The following FOXK1 variants were observed in gnomAD, a reference collection of about 807,000 sequenced individuals.
FOXK1 encodes forkhead box protein K1.
A neutral mutation model predicts 51.9 loss-of-function variants in FOXK1; 19 were observed. That is an observed-to-expected ratio of 0.37 (90% CI 0.26 to 0.54). The LOEUF (loss-of-function observed/expected upper bound fraction) is 0.54. FOXK1 is among the 20% of genes least tolerant of loss of function. FOXK1 has a pLI of 0.87. For missense variants in FOXK1, 870 were observed against 1,032.7 expected (o/e 0.84, Z 2.16); for synonymous variants, 537 against 482.6 (o/e 1.11, Z -1.48).
Position 4,759,602 on chromosome 7 carries a change from C to T in FOXK1, c.1696+7C>T, listed in dbSNP as rs1780905203. On this transcript the variant is annotated splice_region_variant and intron_variant, in intron 7 of 8. Coordinates refer to ENST00000328914, the MANE Select transcript of FOXK1 (RefSeq NM_001037165.2). ...CTGGGCAGCGAGGCCAGAGGTAATG[C>T]AGCCGCGGCTGGCAGCCTTCGCAGG... The T allele has an allele frequency of 2.6e-6, 4 of 1,532,570 alleles. No homozygotes were observed. In the African/African-American group the frequency reaches 4.1e-5, roughly 16 times the overall value. The allele number at this position is 1,532,570 out of a possible 1,614,324, so 94.9% of individuals were successfully genotyped here.
rs114947319 is a variant in FOXK1 at position 4,742,659 on chromosome 7, C to T, written c.746+1636C>T. On this transcript the variant is annotated intron_variant, in intron 2 of 8. Transcript: ENST00000328914. ...CTGAAACCCCTGGGCTCAAGAGATC[C>T]TCCCTCCTCCACCTCCCAAAGTGCT... 6.9e-3 allele frequency among the ~76,000 whole-genome samples: 1,055 copies of T among 152,250 alleles called. 18 individuals are homozygous for T. Among genetic ancestry groups the T allele is most frequent in the African/African-American group, 0.024 (1,004 of 41,542 alleles).
At chr7:4,714,423 C>T (rs1053569163) in intron 1 of FOXK1, among the ~76,000 whole-genome samples, 10 of 152,162 alleles carry the variant, frequency 6.6e-5, no homozygotes, top group African/African-American at 1.9e-4. Flanking sequence ...GGATTACAGG[C>T]GTGTGCCCCC....
rs1272549631 is a variant in FOXK1, at chr7:4,755,077, T to C, written c.904-160T>C. 3 of 831,414 alleles carry C rather than the reference T, an allele frequency of 3.6e-6. No homozygotes were observed. Among genetic ancestry groups the C allele is most frequent in the Non-Finnish European group, 5.4e-6 (3 of 556,402 alleles). The allele number at this position is 831,414 out of a possible 1,614,324, so 51.5% of individuals were successfully genotyped here. ...GCAAAAATGGTTGTTCCTAGTTGAA[T>C]GCAAGCACATTAATGGGATAGTTGG... is the stretch of plus-strand genomic sequence containing the variant. On this transcript the variant is annotated intron_variant, in intron 3 of 8. Transcript: ENST00000328914. The surrounding 1 kb of genome is among the most constrained non-coding windows in gnomAD (Gnocchi z 6.6).
At chr7:4,701,478 G>C (rs919425569) in intron 1 of FOXK1, among the ~76,000 whole-genome samples, 1 of 152,124 alleles carries the variant, frequency 6.6e-6, no homozygotes, top group South Asian at 2.1e-4. Flanking sequence ...ACTATTGACC[G>C]GGCGTGGTGG....
Position 4,756,416 on chromosome 7 carries a change from A to G in FOXK1, c.1051-578A>G, listed in dbSNP as rs1019772994. Among the ~76,000 whole-genome samples the G allele has an allele frequency of 6.7e-6, 1 of 149,360 alleles. No individual in the cohort carries two copies. Among genetic ancestry groups the G allele is most frequent in the Non-Finnish European group, 1.5e-5 (1 of 67,418 alleles). On this transcript the variant is annotated intron_variant, in intron 4 of 8. Coordinates refer to ENST00000328914, the MANE Select transcript of FOXK1 (RefSeq NM_001037165.2). The surrounding 1 kb of genome is among the most constrained non-coding windows in gnomAD (Gnocchi z 4.1). ...CAGGCGTGAGCCACTGTGCCCGGCC[A>G]AGACCCAGTGTTTTCTTTCTCCCAG...
intron 1 of FOXK1, among the ~76,000 whole-genome samples, chr7:4,704,343 C>T (rs766103052): frequency 3.4e-5 from 5 of 148,786 alleles, no homozygotes; most frequent in Admixed American, 6.8e-5. Context: ...CCCAGCTACT[C>T]GGGTGGCTGA....
At chr7:4,724,656 C>T (rs1780356037) in intron 1 of FOXK1, among the ~76,000 whole-genome samples, 2 of 152,242 alleles carry the variant, frequency 1.3e-5, no homozygotes, top group Non-Finnish European at 2.9e-5. Context: ...TGGTCCAGGC[C>T]AGGGCTCTGG....
chr7:4,698,935 A>T (rs1484061493), intron 1 of FOXK1, among the ~76,000 whole-genome samples: 1 of 152,008 alleles, frequency 6.6e-6, no homozygotes, highest in East Asian at 1.9e-4. Flanking sequence ...TGATCCACCC[A>T]CCTCGGCCTC....
At chr7:4,746,100 G>C (rs934368970) in intron 2 of FOXK1, among the ~76,000 whole-genome samples, 2 of 152,120 alleles carry the variant, frequency 1.3e-5, no homozygotes, top group African/African-American at 4.8e-5. Context: ...TTCTCTTAAG[G>C]CTCTTCCTGA....
At chr7:4,695,377 G>T (rs575203833) in intron 1 of FOXK1, among the ~76,000 whole-genome samples, 1 of 152,252 alleles carries the variant, frequency 6.6e-6, no homozygotes, top group East Asian at 1.9e-4. Flanking sequence ...AGATTTTACA[G>T]GCCTGCCTAC....
At chr7:4,693,305 C>CT (rs1458794850) in intron 1 of FOXK1, among the ~76,000 whole-genome samples, 1 of 152,106 alleles carries the variant, frequency 6.6e-6, no homozygotes, top group Non-Finnish European at 1.5e-5. Flanking sequence ...TAGGAACAGG[C>CT]TTTTTGTAGT....
Position 4,707,522 on chromosome 7 carries a change from G to A in FOXK1, c.560+24654G>A, listed in dbSNP as rs1780117584. On this transcript the variant is annotated intron_variant, in intron 1 of 8. Coordinates refer to ENST00000328914, the MANE Select transcript of FOXK1 (RefSeq NM_001037165.2). This position sits in a 1 kb window ranked among gnomAD's most constrained non-coding sequence, Gnocchi z 4.1. ...TGTTAAGATGTATTTAGCGACTCAAGTATCTGCAGCAGCGAGAGGGTGGGT... is the reference window on the plus strand; with the variant it reads ...TGTTAAGATGTATTTAGCGACTCAAATATCTGCAGCAGCGAGAGGGTGGGT... Among the ~76,000 whole-genome samples, 1 of 152,178 alleles carries A rather than the reference G, an allele frequency of 6.6e-6. No homozygotes were observed.
rs573969348 is a variant in FOXK1, at chr7:4,768,277, C to G, written c.*5813C>G. On this transcript the variant is annotated 3_prime_UTR_variant, in exon 9 of 9. Transcript: ENST00000328914. ...CCTCCCGAGTAGCTGGGACTACAGG[C>G]GCCCGCTACCACGCCCGGCTAATTT... 1 of 146,496 alleles carries G rather than the reference C, an allele frequency of 6.8e-6. No individual in the cohort carries two copies. Among genetic ancestry groups the G allele is most frequent in the Non-Finnish European group, 1.5e-5 (1 of 67,556 alleles). 9.1% of individuals were successfully genotyped at this position (146,496 alleles called of 1,614,324 possible).
At position 4,707,573 on chromosome 7, in the gene FOXK1, C is replaced by T. The variant is rs74974197; in HGVS notation, c.560+24705C>T. ...GTGGGAGTCGGTGAATTGTCTCTTA[C>T]GCCTTCCTTTCCGGGTTTTCCTGGA... On this transcript the variant is annotated intron_variant, in intron 1 of 8. Coordinates refer to ENST00000328914, the MANE Select transcript of FOXK1 (RefSeq NM_001037165.2). This position sits in a 1 kb window ranked among gnomAD's most constrained non-coding sequence, Gnocchi z 4.1. Among the ~76,000 whole-genome samples the T allele has an allele frequency of 2.9e-4, 44 of 152,238 alleles. No homozygotes were observed. Among genetic ancestry groups the T allele is most frequent in the Middle Eastern group, 3.4e-3 (1 of 294 alleles).
Position 4,685,979 on chromosome 7 carries a change from C to T in FOXK1, c.560+3111C>T, listed in dbSNP as rs10262509. Among the ~76,000 whole-genome samples, 864 of 151,034 alleles carry T rather than the reference C, an allele frequency of 5.7e-3. 13 individuals carry two copies. The highest frequency in any genetic ancestry group is 0.019 in the African/African-American group (794 of 41,186). On this transcript the variant is annotated intron_variant, in intron 1 of 8. Transcript: ENST00000328914. ...AAATGAAAAAAAAAAAACCAAAAAA[C>T]GATTCTTAAGCCTATTATGTTGAAA...
At chr7:4,697,799 T>G (rs1006797674) in intron 1 of FOXK1, among the ~76,000 whole-genome samples, 4 of 150,650 alleles carry the variant, frequency 2.7e-5, no homozygotes, top group African/African-American at 9.8e-5. Context: ...GTTTCTTTGG[T>G]ATGAGTTTTA....
rs1780483330 is a variant in FOXK1, at chr7:4,731,934, G to A, written c.561-8904G>A. On this transcript the variant is annotated intron_variant, in intron 1 of 8. Coordinates refer to ENST00000328914, the MANE Select transcript of FOXK1 (RefSeq NM_001037165.2). This position sits in a 1 kb window ranked among gnomAD's most constrained non-coding sequence, Gnocchi z 5.3. ...GGTCAGGACTGATGTTCACGGCATGGAGACCTGAGGCCACACGGAGGCCGG... is the reference window on the plus strand; with the variant it reads ...GGTCAGGACTGATGTTCACGGCATGAAGACCTGAGGCCACACGGAGGCCGG... 6.6e-6 allele frequency among the ~76,000 whole-genome samples: 1 copy of A among 152,166 alleles called. No homozygotes were observed. The highest frequency in any genetic ancestry group is 2.4e-5 in the African/African-American group (1 of 41,448).
At chr7:4,742,727 C>T (rs563860117) in intron 2 of FOXK1, among the ~76,000 whole-genome samples, 20 of 152,302 alleles carry the variant, frequency 1.3e-4, no homozygotes, top group African/African-American at 4.6e-4. Context: ...CGTACATGGC[C>T]TGCACCTTTT....
At chr7:4,693,967 A>G (rs914168748) in intron 1 of FOXK1, among the ~76,000 whole-genome samples, 2 of 152,092 alleles carry the variant, frequency 1.3e-5, no homozygotes, top group Non-Finnish European at 2.9e-5. Context: ...TGTAGCCTCT[A>G]ATTCCTGGGC....
Sources: gnomAD v4.1 joint callset for allele counts (sites outside exome capture counted in the v4.1 genomes callset) on GRCh38, gnomAD v4.1.1 for gene constraint, Gnocchi (gnomAD v3.1) non-coding constraint, MANE v1.5 for transcripts, NCBI Gene and HGNC (gene_info 2026-07-23, HGNC 2026-07-21) for gene names.